Variants in ATP10B observed in about 807,000 individuals in gnomAD.
The protein encoded by ATP10B is ATPase phospholipid transporting 10B (putative).
In ATP10B, 122 loss-of-function variants were observed where a neutral mutation model predicts 141.2. The observed-to-expected ratio is 0.86, with a 90% CI of 0.75 to 1.00. ATP10B has a LOEUF of 1.00. Ranked by LOEUF, ATP10B falls within the 50% of genes least tolerant of loss-of-function variation. The probability of loss-of-function intolerance (pLI) is 0.00; values close to 1 mark genes in which losing one functional copy is unlikely to be tolerated. For missense variants in ATP10B, 1,876 were observed against 1,825.3 expected (o/e 1.03, Z -0.51); for synonymous variants, 685 against 692.0 (o/e 0.99, Z 0.16).
intron 1 of ATP10B, among the ~76,000 whole-genome samples, chr5:160,821,768 T>C (rs1157071303): frequency 1.3e-5 from 2 of 151,724 alleles, no homozygotes; most frequent in African/African-American, 2.4e-5. Context: ...GAAAGAGCAG[T>C]CTCGTTAATA....
At chr5:160,761,970 G>GA (rs1769080409) in intron 2 of ATP10B, among the ~76,000 whole-genome samples, 1 of 152,046 alleles carries the variant, frequency 6.6e-6, no homozygotes, top group Non-Finnish European at 1.5e-5. Flanking sequence ...ACAAGTAGAA[G>GA]AAAAAACTTC....
chr5:160,783,570 C>CACAT (rs1770910835), intron 2 of ATP10B, among the ~76,000 whole-genome samples: 1 of 121,734 alleles, frequency 8.2e-6, no homozygotes, highest in Non-Finnish European at 1.8e-5. Context: ...GATACACACA[C>CACAT]ACACACACAC....
At chr5:160,761,117 C>T (rs1231840271) in intron 2 of ATP10B, among the ~76,000 whole-genome samples, 1 of 152,140 alleles carries the variant, frequency 6.6e-6, no homozygotes, top group Non-Finnish European at 1.5e-5. Context: ...CAACTCAGAA[C>T]AGAACCACCC....
intron 18 of ATP10B, among the ~76,000 whole-genome samples, chr5:160,610,369 C>T (rs1757652883): frequency 6.6e-6 from 1 of 152,100 alleles, no homozygotes; most frequent in Non-Finnish European, 1.5e-5. Context: ...GAACTCCTTC[C>T]CATGCCAAAA....
At chr5:160,905,281 A>T in the ATP10B span, among the ~76,000 whole-genome samples, 1 of 152,182 alleles carries the variant, frequency 6.6e-6, no homozygotes, top group Admixed American at 6.5e-5. Context: ...GGTAAGGAGG[A>T]TTTAATTTAT....
chr5:160,583,722 C>G (rs1196549142), intron 24 of ATP10B, among the ~76,000 whole-genome samples: 5 of 152,138 alleles, frequency 3.3e-5, no homozygotes, highest in Non-Finnish European at 7.4e-5. Flanking sequence ...CAGAGATGCC[C>G]CACCCAGAGA....
At chr5:160,909,520 A>G in the ATP10B span, among the ~76,000 whole-genome samples, 23 of 152,154 alleles carry the variant, frequency 1.5e-4, no homozygotes, top group African/African-American at 5.1e-4. Flanking sequence ...TTAAGATGGT[A>G]AGTTTCCTGA....
chr5:160,581,243 G>A (rs1755532024), intron 24 of ATP10B, among the ~76,000 whole-genome samples: 1 of 152,216 alleles, frequency 6.6e-6, no homozygotes, highest in African/African-American at 2.4e-5. Context: ...TGTGATGTTA[G>A]GGTGTTGATT....
At chr5:160,670,717 A>G in intron 6 of ATP10B, 50 bp from the exon 7 acceptor site, 1 of 1,530,544 alleles carries the variant, frequency 6.5e-7, no homozygotes, top group East Asian at 2.2e-5. Context: ...TTTCCTCAGA[A>G]CACTAATGAA....
At chr5:160,858,165 T>C in the ATP10B span, among the ~76,000 whole-genome samples, 44 of 151,946 alleles carry the variant, frequency 2.9e-4, no homozygotes, top group African/African-American at 1.0e-3. Flanking sequence ...GTTTGGTGCA[T>C]ACATATTTAA....
intron 2 of ATP10B, among the ~76,000 whole-genome samples, chr5:160,753,373 A>G (rs922947742): frequency 3.3e-5 from 5 of 152,184 alleles, no homozygotes; most frequent in Admixed American, 3.3e-4. Context: ...GGAAAATTGC[A>G]TGCTTGCTCC....
chr5:160,627,694 A>T (rs1758681367), intron 13 of ATP10B, among the ~76,000 whole-genome samples: 1 of 152,236 alleles, frequency 6.6e-6, no homozygotes, highest in South Asian at 2.1e-4. Context: ...AAAAAAAATA[A>T]AAGATGAGGC....
intron 2 of ATP10B, among the ~76,000 whole-genome samples, chr5:160,738,573 A>G (rs1767271699): frequency 6.6e-6 from 1 of 152,128 alleles, no homozygotes; most frequent in African/African-American, 2.4e-5. Flanking sequence ...TATCTATTCT[A>G]CAATCATGAA....
the ATP10B span, among the ~76,000 whole-genome samples, chr5:160,877,886 A>T: frequency 0.069 from 9,564 of 139,194 alleles, 387 homozygotes; most frequent in East Asian, 0.12. Flanking sequence ...TAAAAGAGGA[A>T]ACAAACAAAT....
chr5:160,812,152 A>T (rs558804419), intron 1 of ATP10B, among the ~76,000 whole-genome samples: 63 of 152,256 alleles, frequency 4.1e-4, no homozygotes, highest in African/African-American at 1.5e-3. Flanking sequence ...TCCAGGTCTT[A>T]TTCAAGACCA....
the ATP10B span, among the ~76,000 whole-genome samples, chr5:160,917,477 C>T: frequency 1.3e-5 from 2 of 151,992 alleles, no homozygotes; most frequent in African/African-American, 2.4e-5. Flanking sequence ...ATGGAACAAA[C>T]GCTTTGGGGT....
chr5:160,784,486 CCAGA>C (rs756365500), intron 2 of ATP10B, among the ~76,000 whole-genome samples: 4 of 152,036 alleles, frequency 2.6e-5, no homozygotes, highest in African/African-American at 9.7e-5. Flanking sequence ...TGTGAAGAGC[CCAGA>C]CAAATTAGAA....
At chr5:160,755,801 C>G in intron 2 of ATP10B, among the ~76,000 whole-genome samples, 1 of 109,604 alleles carries the variant, frequency 9.1e-6, no homozygotes, top group African/African-American at 3.4e-5. Flanking sequence ...GGCGACAGAG[C>G]GAGACTCCGT....
the ATP10B span, among the ~76,000 whole-genome samples, chr5:160,873,128 T>G: frequency 1.3e-5 from 2 of 151,850 alleles, no homozygotes; most frequent in Non-Finnish European, 1.5e-5. Context: ...TTTTTGTTTT[T>G]TTTTTTTCAG....
Sources: allele counts gnomAD v4.1 joint callset (sites outside exome capture counted in the v4.1 genomes callset), GRCh38; gene constraint gnomAD v4.1.1; transcripts MANE v1.5; gene names NCBI Gene and HGNC (gene_info 2026-07-23, HGNC 2026-07-21).